DIAPH2: variants seen among roughly 807,000 people sequenced by gnomAD.
DIAPH2 encodes the protein protein diaphanous homolog 2.
Under a neutral mutation model 92.7 loss-of-function variants are expected in DIAPH2, and 35 were observed. The ratio of observed to expected loss-of-function variants is 0.38; its 90% CI spans 0.29 to 0.50. The LOEUF (loss-of-function observed/expected upper bound fraction) is 0.50. DIAPH2 is among the 20% of genes least tolerant of loss of function. The pLI, the probability that DIAPH2 is intolerant of heterozygous loss-of-function variation, is 0.94. For missense variants in DIAPH2, 701 were observed against 819.5 expected (o/e 0.86, Z 1.77); for synonymous variants, 301 against 280.4 (o/e 1.07, Z -0.73).
In DIAPH2 at chrX:97,599,155, T is replaced by C; in HGVS notation, c.3242-98T>C. 4 of 509,871 alleles carry C rather than the reference T, an allele frequency of 7.8e-6. No homozygotes were observed. The South Asian group carries it at 1.0e-4, about 13-fold the overall frequency. 42.0% of individuals were successfully genotyped at this position (509,871 alleles called of 1,213,427 possible). A position where few individuals can be genotyped will look rare whatever the true frequency, so the allele number is the denominator to read the frequency against. On this transcript the variant is annotated intron_variant, in intron 26 of 26. Coordinates refer to ENST00000324765, the MANE Select transcript of DIAPH2 (RefSeq NM_006729.5). Reference sequence around the variant, plus strand: ...TTTACATTTTCATTTGAAGTGATTTTTCAGGACTATTTGAAAACCTTTCTC... The same window carrying C: ...TTTACATTTTCATTTGAAGTGATTTCTCAGGACTATTTGAAAACCTTTCTC...
At chrX:97,438,549 A>AT (rs900732577) in intron 26 of DIAPH2, among the ~76,000 whole-genome samples, 5 of 104,944 alleles carry the variant, frequency 4.8e-5, no homozygotes, top group Non-Finnish European at 7.8e-5. Flanking sequence ...TTATTTATTT[A>AT]TTTTTTTTGT....
intron 26 of DIAPH2, among the ~76,000 whole-genome samples, chrX:97,435,405 T>A (rs141647655): frequency 1.4e-3 from 158 of 111,652 alleles, no homozygotes; most frequent in African/African-American, 4.6e-3. Flanking sequence ...TGTGATCAAT[T>A]TACAATGCGG....
intron 17 of DIAPH2, among the ~76,000 whole-genome samples, chrX:97,020,445 G>A (rs901173531): frequency 1.8e-5 from 2 of 111,771 alleles, no homozygotes; most frequent in Admixed American, 9.5e-5. Flanking sequence ...ATGAAACTGC[G>A]GATAGTACCG....
intron 17 of DIAPH2, among the ~76,000 whole-genome samples, chrX:97,016,035 C>A (rs757614085): frequency 1.8e-5 from 2 of 111,765 alleles, no homozygotes; most frequent in African/African-American, 6.5e-5. Flanking sequence ...TCAGGACCTG[C>A]CATTAACTTG....
chrX:96,911,824 A>T (rs2065470282), intron 5 of DIAPH2, among the ~76,000 whole-genome samples: 1 of 111,746 alleles, frequency 8.9e-6, no homozygotes, highest in Non-Finnish European at 1.9e-5. Flanking sequence ...GTTGCTTGTT[A>T]TGTATCTCTC....
At chrX:96,962,284 T>TATATATATACACATATATATATAC (rs1556309981) in intron 16 of DIAPH2, among the ~76,000 whole-genome samples, 2 of 73,573 alleles carry the variant, frequency 2.7e-5, no homozygotes, top group African/African-American at 1.1e-4. Context: ...CATATATATA[T>TATATATATACACATATATATATAC]ACATATATAT....
intron 26 of DIAPH2, among the ~76,000 whole-genome samples, chrX:97,584,045 G>A (rs962651396): frequency 8.9e-5 from 10 of 112,445 alleles, no homozygotes; most frequent in African/African-American, 1.6e-4. Context: ...CGCACGGTGC[G>A]TGCACCCACT....
intron 17 of DIAPH2, among the ~76,000 whole-genome samples, chrX:96,965,490 G>A (rs1375060923): frequency 5.4e-5 from 6 of 111,079 alleles, no homozygotes; most frequent in African/African-American, 1.3e-4. Context: ...TAAAATAGTC[G>A]TTTTTACTGA....
intron 25 of DIAPH2, among the ~76,000 whole-genome samples, chrX:97,388,224 T>G (rs1211299112): frequency 8.9e-6 from 1 of 112,114 alleles, no homozygotes; most frequent in Non-Finnish European, 1.9e-5. Context: ...TAGATTCTAG[T>G]AGTTTTCTGC....
chrX:97,160,696 G>A (rs1029566765), intron 22 of DIAPH2, among the ~76,000 whole-genome samples: 1 of 111,654 alleles, frequency 9.0e-6, no homozygotes, highest in East Asian at 2.8e-4. Context: ...AGCAGCTAGA[G>A]TTTGCTCAGG....
intron 3 of DIAPH2, among the ~76,000 whole-genome samples, chrX:96,754,560 T>A (rs2064212830): frequency 9.0e-6 from 1 of 110,534 alleles, no homozygotes; most frequent in South Asian, 3.9e-4. Context: ...GAAGGAAAAA[T>A]TTGGCAAAAA....
intron 22 of DIAPH2, among the ~76,000 whole-genome samples, chrX:97,222,809 G>T (rs1277114601): frequency 9.0e-6 from 1 of 111,054 alleles, no homozygotes; most frequent in East Asian, 2.8e-4. Context: ...AGTTTGGTTT[G>T]TGGTTTTTGT....
chrX:97,312,327 CT>C (rs2068801359), intron 23 of DIAPH2, among the ~76,000 whole-genome samples: 1 of 95,011 alleles, frequency 1.1e-5, no homozygotes, highest in South Asian at 5.5e-4. Flanking sequence ...TATTTGATCA[CT>C]TTTGATCAAT....
chrX:97,090,387 C>G (rs1844968412), intron 19 of DIAPH2, among the ~76,000 whole-genome samples: 1 of 100,490 alleles, frequency 1.0e-5, no homozygotes, highest in Admixed American at 1.1e-4. Context: ...CTAGGAAACC[C>G]CCAGGCCACC....
intron 2 of DIAPH2, among the ~76,000 whole-genome samples, chrX:96,738,271 T>A (rs1456952295): frequency 9.0e-6 from 1 of 111,354 alleles, no homozygotes; most frequent in African/African-American, 3.3e-5. Flanking sequence ...AGACACACTC[T>A]CCCAGAAACA....
intron 4 of DIAPH2, among the ~76,000 whole-genome samples, chrX:96,774,643 A>G (rs1379050627): frequency 8.9e-6 from 1 of 112,318 alleles, no homozygotes; most frequent in East Asian, 2.8e-4. Context: ...GCAATGGCCT[A>G]TAATTCTAAG....
chrX:96,885,222 G>A, intron 5 of DIAPH2: 3 of 557,999 alleles, frequency 5.4e-6, no homozygotes, highest in Non-Finnish European at 8.6e-6. Context: ...TTGTCAACTC[G>A]CTGCTTTTCT....
chrX:97,320,231 A>G (rs1364537535), intron 23 of DIAPH2, among the ~76,000 whole-genome samples: 3 of 110,108 alleles, frequency 2.7e-5, no homozygotes, highest in African/African-American at 9.9e-5. Flanking sequence ...AAAAAAGCAT[A>G]CTTATTTGTT....
At chrX:97,335,540 A>G (rs1186750758) in intron 23 of DIAPH2, among the ~76,000 whole-genome samples, 1 of 111,928 alleles carries the variant, frequency 8.9e-6, no homozygotes, top group Non-Finnish European at 1.9e-5. Context: ...GTTTAACCAT[A>G]ACTCCTGTAT....
Sources: gnomAD v4.1 joint callset for allele counts (sites outside exome capture counted in the v4.1 genomes callset) on GRCh38, gnomAD v4.1.1 for gene constraint, MANE v1.5 for transcripts, NCBI Gene and HGNC (gene_info 2026-07-23, HGNC 2026-07-21) for gene names.